CHRM3: variants seen among roughly 807,000 people sequenced by gnomAD.
CHRM3 encodes cholinergic receptor muscarinic 3, also known as muscarinic acetylcholine receptor M3.
A neutral mutation model predicts 41.8 loss-of-function variants in CHRM3; 11 were observed. The ratio of observed to expected loss-of-function variants is 0.26; its 90% CI spans 0.17 to 0.44. The LOEUF (loss-of-function observed/expected upper bound fraction) is 0.44, where lower values mean the gene tolerates loss of function less well. Among genes scored for constraint, CHRM3 ranks in the 20% least tolerant of loss-of-function variants. The pLI is 1.00. For missense variants in CHRM3, 571 were observed against 745.4 expected, an observed-to-expected ratio of 0.77 and a Z score of 2.72; for synonymous variants, 297 against 301.4, an observed-to-expected ratio of 0.99 and a Z score of 0.15.
At chr1:239,556,160 A>G (rs1280626053) in intron 3 of CHRM3, among the ~76,000 whole-genome samples, 2 of 152,192 alleles carry the variant, frequency 1.3e-5, no homozygotes, top group Admixed American at 1.3e-4. Flanking sequence ...CATGAAGCAC[A>G]GATTCATGTT....
chr1:239,519,155 A>C (rs1046093644), intron 2 of CHRM3, among the ~76,000 whole-genome samples: 1 of 152,142 alleles, frequency 6.6e-6, no homozygotes, highest in African/African-American at 2.4e-5. Context: ...ACTGAAATTG[A>C]CATCTGTTTA....
intron 5 of CHRM3, among the ~76,000 whole-genome samples, chr1:239,690,966 G>A (rs1431211931): frequency 2.0e-5 from 3 of 152,042 alleles, no homozygotes; most frequent in South Asian, 2.1e-4. Flanking sequence ...CCCCAGCTGC[G>A]GGTAGCAGAA....
intron 2 of CHRM3, among the ~76,000 whole-genome samples, chr1:239,504,605 AC>A (rs1465746427): frequency 1.3e-5 from 2 of 152,242 alleles, no homozygotes; most frequent in East Asian, 3.8e-4. Context: ...TGAAAGAGAT[AC>A]TTGCACACAT....
chr1:239,598,262 G>A (rs1665048935), intron 3 of CHRM3, among the ~76,000 whole-genome samples: 2 of 152,054 alleles, frequency 1.3e-5, no homozygotes, highest in African/African-American at 4.8e-5. Context: ...GTCCAGCAGA[G>A]GGGCTTAAAT....
In CHRM3 at chr1:239,637,939, A is replaced by G. The variant is rs1229012020; in HGVS notation, c.-250+5653A>G. Among the ~76,000 whole-genome samples, 3 of 109,256 alleles carry G rather than the reference A, an allele frequency of 2.7e-5. No homozygotes were observed. In the Admixed American group the frequency reaches 3.9e-4, roughly 14 times the overall value. 71.7% of individuals were successfully genotyped at this position (109,256 alleles called of 152,430 possible). On this transcript the variant is annotated intron_variant, in intron 4 of 6. Transcript: ENST00000676153. ...CCCCCCACCCCACAACAGTCCCCAG[A>G]GTGTGATGTTCCCCTTCCTGTGTCC...
At chr1:239,487,173 C>T (rs1367930371) in intron 1 of CHRM3, among the ~76,000 whole-genome samples, 1 of 152,066 alleles carries the variant, frequency 6.6e-6, no homozygotes, top group African/African-American at 2.4e-5. Context: ...GAGGAGAAGT[C>T]CCTTGTTTAA....
intron 4 of CHRM3, among the ~76,000 whole-genome samples, chr1:239,668,835 C>T (rs1674078627): frequency 6.6e-6 from 1 of 152,128 alleles, no homozygotes; most frequent in South Asian, 2.1e-4. Context: ...ATTAGAAAGA[C>T]AGTTTGGGGT....
At chr1:239,756,677 A>G (rs1383923361) in intron 5 of CHRM3, among the ~76,000 whole-genome samples, 1 of 152,206 alleles carries the variant, frequency 6.6e-6, no homozygotes, top group Non-Finnish European at 1.5e-5. Context: ...GTGGAGAGTA[A>G]TGGCTGACCT....
intron 5 of CHRM3, chr1:239,727,687 A>C (rs1452589742): frequency 6.6e-6 from 1 of 151,790 alleles, no homozygotes; most frequent in Non-Finnish European, 1.5e-5. Flanking sequence ...TGCAGGCTTC[A>C]TTAAGGCCAG....
intron 5 of CHRM3, chr1:239,705,534 C>G (rs1039105979): frequency 1.3e-5 from 2 of 152,090 alleles, no homozygotes; most frequent in African/African-American, 4.8e-5. Flanking sequence ...CTTTGTAGTT[C>G]CTTGGTTTGT....
chr1:239,694,692 G>A (rs4145784), intron 5 of CHRM3, among the ~76,000 whole-genome samples: 135,929 of 152,236 alleles, frequency 0.89, 60,758 homozygotes, highest in East Asian at 1. Context: ...CCCATTGGTG[G>A]GCATATGAAA....
At chr1:239,720,463 T>G (rs1662852841) in intron 5 of CHRM3, among the ~76,000 whole-genome samples, 1 of 151,946 alleles carries the variant, frequency 6.6e-6, no homozygotes, top group Non-Finnish European at 1.5e-5. Context: ...TAAACTTGGA[T>G]TATCAAAATG....
chr1:239,474,033 T>G (rs562735504), intron 1 of CHRM3, among the ~76,000 whole-genome samples: 1 of 152,054 alleles, frequency 6.6e-6, no homozygotes, highest in African/African-American at 2.4e-5. Context: ...TTTGAAGGGC[T>G]GAGTGTTGAG....
At chr1:239,637,943 T>G (rs1441105815) in intron 4 of CHRM3, among the ~76,000 whole-genome samples, 2 of 117,086 alleles carry the variant, frequency 1.7e-5, no homozygotes, top group African/African-American at 6.7e-5. Context: ...CCCCAGAGTG[T>G]GATGTTCCCC....
chr1:239,485,668 C>T (rs1173294571), intron 1 of CHRM3, among the ~76,000 whole-genome samples: 1 of 152,162 alleles, frequency 6.6e-6, no homozygotes, highest in African/African-American at 2.4e-5. Flanking sequence ...TGTTATGTCA[C>T]CTGTGAGATT....
rs1680527752 is a variant in CHRM3 at position 239,914,272 on chromosome 1, C to CT, written c.*5048_*5049insT. ...ATGATAGTAATTGGGTCTTATTCAT[C>CT]ACTCTGTATCCTGTGGCTCACACAG... is the stretch of plus-strand genomic sequence containing the variant. On this transcript the variant is annotated 3_prime_UTR_variant, in exon 7 of 7. Coordinates refer to ENST00000676153, the MANE Select transcript of CHRM3 (RefSeq NM_001375978.1). 2.4e-5 allele frequency: 4 copies of CT among 167,176 alleles called. No individual in the cohort carries two copies. In the South Asian group the frequency reaches 8.3e-4, roughly 35 times the overall value. 10.4% of individuals were successfully genotyped at this position (167,176 alleles called of 1,614,324 possible).
intron 1 of CHRM3, among the ~76,000 whole-genome samples, chr1:239,418,569 G>C (rs2103085253): frequency 6.6e-6 from 1 of 152,116 alleles, no homozygotes; most frequent in East Asian, 1.9e-4. Flanking sequence ...TTCATGTTTT[G>C]GGGAGAAATT....
intron 6 of CHRM3, among the ~76,000 whole-genome samples, chr1:239,841,516 G>C (rs1673798928): frequency 6.6e-6 from 1 of 152,126 alleles, no homozygotes; most frequent in African/African-American, 2.4e-5. Context: ...TTTTCATTAA[G>C]CCCACAGACC....
intron 1 of CHRM3, among the ~76,000 whole-genome samples, chr1:239,480,460 C>T (rs998199853): frequency 8.6e-5 from 13 of 151,634 alleles, no homozygotes; most frequent in Admixed American, 7.2e-4. Context: ...TAAGAGATAC[C>T]ATTTTTGGAG....
Sources: gnomAD v4.1 joint callset for allele counts (sites outside exome capture counted in the v4.1 genomes callset) on GRCh38, gnomAD v4.1.1 for gene constraint, MANE v1.5 for transcripts, NCBI Gene and HGNC (gene_info 2026-07-23, HGNC 2026-07-21) for gene names.